FNDC3B: variants seen among roughly 807,000 people sequenced by gnomAD.
The protein encoded by FNDC3B is fibronectin type III domain containing 3B.
In FNDC3B, 12 loss-of-function variants were observed where a neutral mutation model predicts 151.5. The ratio of observed to expected loss-of-function variants is 0.08; its 90% confidence interval spans 0.05 to 0.13. The LOEUF (loss-of-function observed/expected upper bound fraction) is 0.13, where lower values mean the gene tolerates loss of function less well. Among genes scored for constraint, FNDC3B ranks in the 10% least tolerant of loss-of-function variants. The pLI, the probability that FNDC3B is intolerant of heterozygous loss-of-function variation, is 1.00. For synonymous variants in FNDC3B, 528 were observed against 549.0 expected (o/e 0.96, Z 0.54); for missense variants, 1,214 against 1,505.3 (o/e 0.81, Z 3.20).
chr3:172,148,925 T>C (rs1722072800), intron 3 of FNDC3B, among the ~76,000 whole-genome samples: 1 of 152,244 alleles, frequency 6.6e-6, no homozygotes, highest in Non-Finnish European at 1.5e-5. Context: ...AGGTGCATTC[T>C]ACCTATTCTT....
At chr3:172,316,253 G>C (rs1294426828) in intron 11 of FNDC3B, among the ~76,000 whole-genome samples, 2 of 152,054 alleles carry the variant, frequency 1.3e-5, no homozygotes, top group African/African-American at 4.8e-5. Context: ...ACCCAGCTCA[G>C]TTTCCCAAAG....
intron 9 of FNDC3B, 50 bp downstream of exon 9, chr3:172,298,837 A>T (rs1382494733): frequency 7.4e-7 from 1 of 1,347,618 alleles, no homozygotes; most frequent in Non-Finnish European, 1.0e-6. Context: ...CAGGTGGCTA[A>T]AGCAAAAACA....
At chr3:172,162,127 C>A (rs375436120) in intron 3 of FNDC3B, among the ~76,000 whole-genome samples, 1 of 151,984 alleles carries the variant, frequency 6.6e-6, no homozygotes, top group African/African-American at 2.4e-5. Context: ...ACAGGCAATG[C>A]GCCACCATGC....
intron 5 of FNDC3B, among the ~76,000 whole-genome samples, chr3:172,249,346 C>T (rs1044719243): frequency 2.0e-5 from 3 of 152,106 alleles, no homozygotes; most frequent in Admixed American, 6.5e-5. Flanking sequence ...TGATTTAAAT[C>T]GTCATTAGAG....
intron 3 of FNDC3B, among the ~76,000 whole-genome samples, chr3:172,160,187 A>C (rs939553493): frequency 6.6e-6 from 1 of 152,204 alleles, no homozygotes; most frequent in African/African-American, 2.4e-5. Context: ...ATACAAAACT[A>C]TGCCTCCTTC....
chr3:172,229,084 A>AACAC (rs760446690), intron 4 of FNDC3B, among the ~76,000 whole-genome samples: 7,205 of 117,716 alleles, frequency 0.061, 221 homozygotes, highest in Non-Finnish European at 0.072. Context: ...GAAAGAAAGA[A>AACAC]ACACACACAC....
chr3:172,311,074 G>A (rs966794693), intron 11 of FNDC3B, 193 bp downstream of exon 11: 6 of 566,036 alleles, frequency 1.1e-5, no homozygotes, highest in Non-Finnish European at 1.9e-5. Context: ...GTTGTGTATT[G>A]AAATATATGT....
intron 3 of FNDC3B, among the ~76,000 whole-genome samples, chr3:172,157,577 C>CT (rs1456598389): frequency 6.6e-6 from 1 of 152,200 alleles, no homozygotes; most frequent in African/African-American, 2.4e-5. Flanking sequence ...TCCCTAACTC[C>CT]TAGTAACCAC....
intron 1 of FNDC3B, among the ~76,000 whole-genome samples, chr3:172,111,094 AT>A (rs1209457093): frequency 1.4e-5 from 2 of 139,358 alleles, no homozygotes; most frequent in African/African-American, 5.9e-5. Flanking sequence ...GTGAGACTCC[AT>A]TAAAAAAAAA....
chr3:172,386,936 G>C (rs757584861), intron 25 of FNDC3B, among the ~76,000 whole-genome samples: 18 of 151,934 alleles, frequency 1.2e-4, no homozygotes, highest in South Asian at 2.1e-4. Flanking sequence ...ATCTTCTCTT[G>C]ACCAAACTAT....
chr3:172,100,886 A>G (rs1719348196), intron 1 of FNDC3B, among the ~76,000 whole-genome samples: 1 of 152,222 alleles, frequency 6.6e-6, no homozygotes, highest in South Asian at 2.1e-4. Flanking sequence ...CCCCCCAACC[A>G]TGCAGGAGTG....
intron 3 of FNDC3B, among the ~76,000 whole-genome samples, chr3:172,191,008 G>T (rs1027383820): frequency 5.3e-5 from 8 of 152,162 alleles, no homozygotes; most frequent in African/African-American, 1.9e-4. Flanking sequence ...ATTGAAGAAA[G>T]AACTTGAAAT....
Position 172,150,405 on chromosome 3 carries a change from C to T in FNDC3B, c.187+16859C>T, listed in dbSNP as rs1314468537. ...TACCTTTTCATTTTAGGTGTACTGC[C>T]TCAGCTAAAGGATGTGTGTGTGTCT... On this transcript the variant is annotated intron_variant, in intron 3 of 25. Coordinates refer to ENST00000415807, the MANE Select transcript of FNDC3B (RefSeq NM_022763.4). Among the ~76,000 whole-genome samples, 5 of 152,034 alleles carry T rather than the reference C, an allele frequency of 3.3e-5. No individual in the cohort carries two copies. The East Asian group carries it at 9.7e-4, about 29-fold the overall frequency.
chr3:172,373,723 T>G (rs1734991716), intron 23 of FNDC3B, among the ~76,000 whole-genome samples: 1 of 152,150 alleles, frequency 6.6e-6, no homozygotes, highest in Non-Finnish European at 1.5e-5. Context: ...GCCACAGGGG[T>G]GTTAACCTAC....
chr3:172,138,364 T>G (rs529448388), intron 3 of FNDC3B, among the ~76,000 whole-genome samples: 27 of 152,318 alleles, frequency 1.8e-4, no homozygotes, highest in African/African-American at 6.5e-4. Flanking sequence ...TGGTATTACA[T>G]TCAAGCATGA....
chr3:172,159,906 A>G (rs545242794), intron 3 of FNDC3B, among the ~76,000 whole-genome samples: 1 of 152,342 alleles, frequency 6.6e-6, no homozygotes, highest in East Asian at 1.9e-4. Context: ...TTAGACTTAG[A>G]GAGGTGGTAG....
rs150467516 is a variant in FNDC3B at position 172,068,720 on chromosome 3, C to T, written c.-29+28949C>T. Among the ~76,000 whole-genome samples, 972 of 152,204 alleles carry T rather than the reference C, an allele frequency of 6.4e-3. 13 individuals carry two copies. Among genetic ancestry groups the T allele is most frequent in the African/African-American group, 0.021 (867 of 41,522 alleles). On this transcript the variant is annotated intron_variant, in intron 1 of 25. Coordinates refer to ENST00000415807, the MANE Select transcript of FNDC3B (RefSeq NM_022763.4). ...GATTACAGGCATGAGCCACCGTGCC[C>T]GGCCAGAGGAGCCCTCATTTATAGC...
At chr3:172,266,590 G>A (rs1234102498) in intron 6 of FNDC3B, among the ~76,000 whole-genome samples, 1 of 152,214 alleles carries the variant, frequency 6.6e-6, no homozygotes, top group Non-Finnish European at 1.5e-5. Flanking sequence ...GTAGGCCCGA[G>A]CTCCCTCCGG....
At chr3:172,180,711 T>C (rs1299626340) in intron 3 of FNDC3B, among the ~76,000 whole-genome samples, 1 of 152,132 alleles carries the variant, frequency 6.6e-6, no homozygotes, top group Non-Finnish European at 1.5e-5. Context: ...AGTACAGAAA[T>C]GGGCAGACAG....
Sources: gnomAD v4.1 joint callset for allele counts (sites outside exome capture counted in the v4.1 genomes callset) on GRCh38, gnomAD v4.1.1 for gene constraint, MANE v1.5 for transcripts, NCBI Gene and HGNC (gene_info 2026-07-23, HGNC 2026-07-21) for gene names.